Variants in SLC4A5 observed in about 807,000 individuals in gnomAD.
SLC4A5 encodes solute carrier family 4 member 5.
A neutral mutation model predicts 120.4 loss-of-function variants in SLC4A5; 96 were observed. That is an observed-to-expected ratio of 0.80 (90% CI 0.68 to 0.94). SLC4A5 has a LOEUF of 0.94. Among genes scored for constraint, SLC4A5 ranks in the 40% least tolerant of loss-of-function variants. SLC4A5 has a pLI of 0.00. For missense variants in SLC4A5, 1,259 were observed against 1,459.5 expected (o/e 0.86, Z 2.24); for synonymous variants, 550 against 571.1 (o/e 0.96, Z 0.53).
In SLC4A5 at chr2:74,259,013, G is replaced by A. The variant is rs1285404042; in HGVS notation, c.867+575C>T. ...GTATGCAGGAGTTGGAATTAAGGGG[G>A]CCTCCTCTGGGCTTCCCCAAGGGGC... On this transcript the variant is annotated intron_variant, in intron 12 of 30. Coordinates refer to ENST00000394019, the Ensembl canonical transcript of SLC4A5. 3.3e-5 allele frequency among the ~76,000 whole-genome samples: 5 copies of A among 152,254 alleles called. No homozygotes were observed. The East Asian group carries it at 9.7e-4, about 29-fold the overall frequency.
exon 7 of SLC4A5, chr2:74,304,658 C>T (rs762544375): frequency 6.2e-7 from 1 of 1,613,778 alleles, no homozygotes; most frequent in Admixed American, 1.7e-5. Flanking sequence ...GTACTGGAAG[C>T]CCAATGTGGA....
chr2:74,302,391 T>C (rs572837177), intron 7 of SLC4A5, among the ~76,000 whole-genome samples: 1 of 152,158 alleles, frequency 6.6e-6, no homozygotes, highest in South Asian at 2.1e-4. Flanking sequence ...CTGAAGCAGG[T>C]AGATCACTTG....
rs775441249 is a variant in SLC4A5 at position 74,233,360 on chromosome 2, GGAA to G, written c.2595+39_2595+41del. 2.9e-4 allele frequency: 461 copies of G among 1,609,598 alleles called. 1 individual carries two copies. In the African/African-American group the frequency reaches 5.4e-3, roughly 19 times the overall value. On this transcript the variant is annotated intron_variant, in intron 23 of 30. Transcript: ENST00000394019. The stretch of plus-strand genomic sequence containing the variant: ...TTCCTTCGCTCTTTCTGACTTTGTG[GGAA>G]GAAAGAGGTTATGCCTCTGCTCCTA...
intron 19 of SLC4A5, 58 bp downstream of exon 19, chr2:74,246,978 G>C (rs551589161): frequency 3.8e-6 from 6 of 1,587,324 alleles, no homozygotes; most frequent in Non-Finnish European, 2.6e-6. Context: ...TGTGGTGAAG[G>C]ATCAGGGGGC....
chr2:74,248,534 C>A, intron 17 of SLC4A5, 48 bp from the exon 18 acceptor site: 1 of 1,607,292 alleles, frequency 6.2e-7, no homozygotes, highest in East Asian at 2.2e-5. Flanking sequence ...GAGAAGCGGT[C>A]TCTCCACACA....
chr2:74,340,385 G>C (rs1673596925), intron 2 of SLC4A5, among the ~76,000 whole-genome samples: 1 of 152,180 alleles, frequency 6.6e-6, no homozygotes, highest in East Asian at 1.9e-4. Context: ...AGGCAGGCCT[G>C]CTCTGCTTTG....
chr2:74,299,639 G>A (rs1439390183), intron 7 of SLC4A5, among the ~76,000 whole-genome samples: 1 of 152,156 alleles, frequency 6.6e-6, no homozygotes, highest in Non-Finnish European at 1.5e-5. Context: ...CTAATCATCA[G>A]GGAAATGCAA....
At chr2:74,321,628 A>G (rs1245560815) in intron 5 of SLC4A5, among the ~76,000 whole-genome samples, 1 of 152,038 alleles carries the variant, frequency 6.6e-6, no homozygotes, top group Non-Finnish European at 1.5e-5. Flanking sequence ...TTTTACTGGG[A>G]AAATAATATT....
intron 14 of SLC4A5, 138 bp downstream of exon 14, chr2:74,254,481 A>G: frequency 1.4e-6 from 1 of 695,520 alleles, no homozygotes; most frequent in Non-Finnish European, 2.6e-6. Context: ...TGATTCTCAT[A>G]ATCTTTAGCA....
chr2:74,337,765 G>A (rs1277016176), intron 3 of SLC4A5, among the ~76,000 whole-genome samples: 1 of 152,198 alleles, frequency 6.6e-6, no homozygotes, highest in African/African-American at 2.4e-5. Flanking sequence ...ATCCCGATCT[G>A]CCTTGGACAG....
intron 18 of SLC4A5, 90 bp downstream of exon 18, chr2:74,248,263 C>T (rs2103976687): frequency 6.6e-7 from 1 of 1,521,710 alleles, no homozygotes; most frequent in South Asian, 1.3e-5. Flanking sequence ...CGCACCACCA[C>T]CTACCCTTGG....
rs780309931 is a variant in SLC4A5, at chr2:74,255,484, G to A, written c.1025+291C>T. On this transcript the variant is annotated intron_variant, in intron 13 of 30. Coordinates refer to ENST00000394019, the Ensembl canonical transcript of SLC4A5. The surrounding 1 kb of genome is among the most constrained non-coding windows in gnomAD (Gnocchi z 4.0). Reference sequence around the variant, plus strand: ...ATTTTTTTGTATTTTTAGTAGAGACGGGGTTTCACCTTGTTGGCCAGGCTG... The same window carrying A: ...ATTTTTTTGTATTTTTAGTAGAGACAGGGTTTCACCTTGTTGGCCAGGCTG... 6.6e-5 allele frequency among the ~76,000 whole-genome samples: 10 copies of A among 151,584 alleles called. No homozygotes were observed. The highest frequency in any genetic ancestry group is 1.5e-4 in the Non-Finnish European group (10 of 67,878).
At chr2:74,321,633 AATATTGAGTCT>A (rs1673100386) in intron 5 of SLC4A5, among the ~76,000 whole-genome samples, 1 of 152,018 alleles carries the variant, frequency 6.6e-6, no homozygotes, top group Non-Finnish European at 1.5e-5. Context: ...CTGGGAAAAT[AATATTGAGTCT>A]GTCAGTAAGG....
intron 26 of SLC4A5, 126 bp downstream of exon 26, chr2:74,227,684 T>A: frequency 8.6e-7 from 1 of 1,160,168 alleles, no homozygotes; most frequent in Non-Finnish European, 1.2e-6. Context: ...TTATTACTAT[T>A]ATTCTTTCAT....
intron 6 of SLC4A5, chr2:74,307,823 GC>G: frequency 2.1e-6 from 1 of 479,180 alleles, no homozygotes; most frequent in Non-Finnish European, 4.0e-6. Flanking sequence ...CCCATGCCAG[GC>G]CCCCAGACCC....
At chr2:74,272,964 G>C (rs148865090) in intron 8 of SLC4A5, among the ~76,000 whole-genome samples, 16 of 152,196 alleles carry the variant, frequency 1.1e-4, no homozygotes, top group Non-Finnish European at 2.1e-4. Context: ...TGGAAACTTC[G>C]TAACTCCCAC....
intron 25 of SLC4A5, 61 bp downstream of exon 25, chr2:74,231,175 C>A: frequency 6.6e-7 from 1 of 1,522,284 alleles, no homozygotes; most frequent in Non-Finnish European, 9.0e-7. Flanking sequence ...CCCTCCCTGC[C>A]TAAGGCATCC....
intron 2 of SLC4A5, among the ~76,000 whole-genome samples, chr2:74,342,243 T>C (rs1344780557): frequency 6.6e-6 from 1 of 152,260 alleles, no homozygotes; most frequent in African/African-American, 2.4e-5. Flanking sequence ...TCTCCTTTGT[T>C]GGCATGGCCA....
At chr2:74,303,055 A>T (rs1672522960) in intron 7 of SLC4A5, among the ~76,000 whole-genome samples, 1 of 140,474 alleles carries the variant, frequency 7.1e-6, no homozygotes, top group African/African-American at 2.7e-5. Context: ...TGCATGTGGA[A>T]GTGTTTTTTT....
Sources: gnomAD v4.1 joint callset for allele counts (sites outside exome capture counted in the v4.1 genomes callset) on GRCh38, gnomAD v4.1.1 for gene constraint, Gnocchi (gnomAD v3.1) non-coding constraint, MANE v1.5 for transcripts, NCBI Gene and HGNC (gene_info 2026-07-23, HGNC 2026-07-21) for gene names.